The following CAMTA1 variants were observed in gnomAD, a reference collection of about 807,000 sequenced individuals.
CAMTA1 encodes calmodulin-binding transcription activator 1.
In CAMTA1, 27 loss-of-function variants were observed where a neutral mutation model predicts 170.9. That is an observed-to-expected ratio of 0.16 (90% CI 0.12 to 0.22). The LOEUF is 0.22. CAMTA1 is among the 10% of genes least tolerant of loss of function. CAMTA1 has a pLI of 1.00. For synonymous variants in CAMTA1, 833 were observed against 891.5 expected (o/e 0.93, Z 1.17); for missense variants, 1,619 against 2,217.2 (o/e 0.73, Z 5.42).
chr1:6,904,534 CTTTTTTTTTCTTTCTTTCTT>C (rs1304209973), intron 3 of CAMTA1, among the ~76,000 whole-genome samples: 4 of 149,626 alleles, frequency 2.7e-5, no homozygotes, highest in Non-Finnish European at 5.9e-5. Flanking sequence ...AACTTTAAGC[CTTTTTTTTTCTTTCTTTCTT>C]TTTTTTTTTT....
At chr1:6,908,796 T>C (rs1679100231) in intron 3 of CAMTA1, among the ~76,000 whole-genome samples, 1 of 152,234 alleles carries the variant, frequency 6.6e-6, no homozygotes, top group Admixed American at 6.5e-5. Flanking sequence ...CCCCTGCAGC[T>C]GCTCAGTGGG....
At chr1:7,610,977 G>A (rs1029602823) in intron 6 of CAMTA1, among the ~76,000 whole-genome samples, 5 of 152,170 alleles carry the variant, frequency 3.3e-5, no homozygotes, top group Admixed American at 1.3e-4. Context: ...TGGCCAAGAC[G>A]CAGGCCCAGG....
intron 6 of CAMTA1, among the ~76,000 whole-genome samples, chr1:7,491,553 G>T (rs561228070): frequency 6.6e-6 from 1 of 152,158 alleles, no homozygotes; most frequent in Non-Finnish European, 1.5e-5. Flanking sequence ...CAATCTGGGC[G>T]GGGAAAAAGG....
At chr1:6,838,804 TG>T (rs1312240564) in intron 3 of CAMTA1, among the ~76,000 whole-genome samples, 1 of 152,184 alleles carries the variant, frequency 6.6e-6, no homozygotes, top group African/African-American at 2.4e-5. Context: ...TCACCCAGGC[TG>T]GAGTGCAATG....
chr1:6,826,914 C>A (rs1647208707), intron 3 of CAMTA1, among the ~76,000 whole-genome samples: 1 of 152,160 alleles, frequency 6.6e-6, no homozygotes, highest in African/African-American at 2.4e-5. Flanking sequence ...TCAGCATAAC[C>A]CTTCAACTTT....
intron 4 of CAMTA1, among the ~76,000 whole-genome samples, chr1:7,103,743 CACAAT>C (rs1315098471): frequency 2.0e-4 from 30 of 151,444 alleles, no homozygotes; most frequent in Admixed American, 3.3e-4. Flanking sequence ...CACATGTACA[CACAAT>C]ACATTACACA....
rs895151982 is a variant in CAMTA1, at chr1:6,930,285, G to A, written c.234+105075G>A. Among the ~76,000 whole-genome samples, 5 of 152,232 alleles carry A rather than the reference G, an allele frequency of 3.3e-5. No individual in the cohort carries two copies. In the East Asian group the frequency reaches 9.7e-4, roughly 29 times the overall value. On this transcript the variant is annotated intron_variant, in intron 3 of 22. Coordinates refer to ENST00000303635, the MANE Select transcript of CAMTA1 (RefSeq NM_015215.4). ...CTCTGTTTTGGACCAGGGTGCTGGC[G>A]TACCATGTTCCCACCATTGTACACC...
At chr1:7,440,202 G>A (rs2092478537) in intron 5 of CAMTA1, among the ~76,000 whole-genome samples, 1 of 152,270 alleles carries the variant, frequency 6.6e-6, no homozygotes, top group Non-Finnish European at 1.5e-5. Context: ...GGTGGGGAGA[G>A]GTGTCCACTT....
chr1:6,823,015 C>G (rs1189406703), intron 2 of CAMTA1, among the ~76,000 whole-genome samples: 1 of 152,092 alleles, frequency 6.6e-6, no homozygotes, highest in Admixed American at 6.5e-5. Flanking sequence ...TATTCATATA[C>G]AATTCAGAGC....
rs1394658119 is a variant in CAMTA1, at chr1:6,971,535, C to T, written c.235-119769C>T. Among the ~76,000 whole-genome samples the T allele has an allele frequency of 1.3e-5, 2 of 152,112 alleles. No homozygotes were observed. The highest frequency in any genetic ancestry group is 2.9e-5 in the Non-Finnish European group (2 of 68,036). On this transcript the variant is annotated intron_variant, in intron 3 of 22. Coordinates refer to ENST00000303635, the MANE Select transcript of CAMTA1 (RefSeq NM_015215.4). The surrounding 1 kb of genome is among the most constrained non-coding windows in gnomAD (Gnocchi z 4.6). ...TAATTTTACGTTGTCTTTGGAGTTG[C>T]TCAGGGGCCAAAGTGCCTTCTGGGT...
intron 11 of CAMTA1, among the ~76,000 whole-genome samples, chr1:7,728,835 C>T (rs958098215): frequency 1.3e-5 from 2 of 152,142 alleles, no homozygotes; most frequent in Admixed American, 6.5e-5. Flanking sequence ...AAGACACCAG[C>T]GCAACCTCTG....
chr1:7,134,398 A>G (rs1382387324), intron 4 of CAMTA1, among the ~76,000 whole-genome samples: 1 of 152,164 alleles, frequency 6.6e-6, no homozygotes, highest in African/African-American at 2.4e-5. Context: ...GGGCTCCAGC[A>G]ATCCTCCACC....
rs11120904 is a variant in CAMTA1 at position 7,337,353 on chromosome 1, C to G, written c.438+87727C>G. ...GGTTCATTTCATCTGTCAATTTGAC[C>G]CGGCCGTGGTACCCAGATGTCGGTC... is the stretch of plus-strand genomic sequence containing the variant. On this transcript the variant is annotated intron_variant, in intron 5 of 22. Transcript: ENST00000303635. 3.8e-3 allele frequency among the ~76,000 whole-genome samples: 576 copies of G among 152,312 alleles called. 3 individuals are homozygous for G. Among genetic ancestry groups the G allele is most frequent in the African/African-American group, 0.013 (536 of 41,564 alleles).
intron 11 of CAMTA1, among the ~76,000 whole-genome samples, chr1:7,691,114 G>A (rs894793965): frequency 1.3e-5 from 2 of 152,226 alleles, no homozygotes; most frequent in African/African-American, 4.8e-5. Flanking sequence ...TATGATGGAG[G>A]ATGGTGACTT....
chr1:7,142,850 T>A (rs781132000), intron 4 of CAMTA1, among the ~76,000 whole-genome samples: 1 of 152,230 alleles, frequency 6.6e-6, no homozygotes, highest in Non-Finnish European at 1.5e-5. Flanking sequence ...AGCTATTCCT[T>A]TTAAGCAACA....
chr1:7,532,254 G>A lies in CAMTA1; in HGVS notation c.510+64353G>A, dbSNP rs1346594057. On this transcript the variant is annotated intron_variant, in intron 6 of 22. Transcript: ENST00000303635. This position sits in a 1 kb window ranked among gnomAD's most constrained non-coding sequence, Gnocchi z 4.2. ...TTGCACACTAGTGCCCTCAAGTCAG[G>A]ACTGCCACTCACCCTCCGAGGTGGC... 6.6e-6 allele frequency among the ~76,000 whole-genome samples: 1 copy of A among 152,146 alleles called. No individual in the cohort carries two copies. The highest frequency in any genetic ancestry group is 1.5e-5 in the Non-Finnish European group (1 of 68,022).
intron 11 of CAMTA1, among the ~76,000 whole-genome samples, chr1:7,697,528 G>C (rs2149464504): frequency 6.6e-6 from 1 of 152,300 alleles, no homozygotes; most frequent in South Asian, 2.1e-4. Context: ...CTTCACAGCA[G>C]AGATGTCTCT....
chr1:6,974,240 G>A (rs1312310230), intron 3 of CAMTA1, among the ~76,000 whole-genome samples: 2 of 152,172 alleles, frequency 1.3e-5, no homozygotes, highest in South Asian at 2.1e-4. Context: ...ACCCGGAGTC[G>A]GAGAATCCAA....
At chr1:7,355,273 A>G (rs187192605) in intron 5 of CAMTA1, among the ~76,000 whole-genome samples, 291 of 110,848 alleles carry the variant, frequency 2.6e-3, no homozygotes, top group African/African-American at 9.3e-3. Flanking sequence ...AGTCCCAGCT[A>G]CTCGGGAGGC....
Sources: allele counts gnomAD v4.1 joint callset (sites outside exome capture counted in the v4.1 genomes callset), GRCh38; gene constraint gnomAD v4.1.1; non-coding constraint Gnocchi (gnomAD v3.1); transcripts MANE v1.5; gene names NCBI Gene and HGNC (gene_info 2026-07-23, HGNC 2026-07-21).